FMNL2: variants seen among roughly 807,000 people sequenced by gnomAD.
FMNL2 encodes the protein formin like 2.
In FMNL2, 51 loss-of-function variants were observed where a neutral mutation model predicts 130.2. The ratio of observed to expected loss-of-function variants is 0.39; its 90% CI spans 0.31 to 0.49. The LOEUF is 0.49. Ranked by LOEUF, FMNL2 falls within the 20% of genes least tolerant of loss-of-function variation. FMNL2 has a pLI of 0.85. For missense variants in FMNL2, 977 were observed against 1,316.2 expected, an observed-to-expected ratio of 0.74 and a Z score of 3.99; for synonymous variants, 465 against 467.1, an observed-to-expected ratio of 1.00 and a Z score of 0.06.
intron 1 of FMNL2, among the ~76,000 whole-genome samples, chr2:152,433,630 AGGAACAGCT>A (rs1478408295): frequency 1.3e-5 from 2 of 152,190 alleles, no homozygotes. Flanking sequence ...GAGATGACAG[AGGAACAGCT>A]GGACAAAGTA....
intron 1 of FMNL2, among the ~76,000 whole-genome samples, chr2:152,438,476 C>T (rs761990996): frequency 2.0e-5 from 3 of 152,214 alleles, no homozygotes; most frequent in African/African-American, 2.4e-5. Flanking sequence ...TGCAGAAATA[C>T]AGGACCAGTG....
rs187694109 is a variant in FMNL2 at position 152,422,441 on chromosome 2, T to C, written c.117+86721T>C. On this transcript the variant is annotated intron_variant, in intron 1 of 25. Coordinates refer to ENST00000288670, the MANE Select transcript of FMNL2 (RefSeq NM_052905.4). ...TTGGATAAATGGTTGTCTCATTCTTTTTTTGTTAATGGCTTTATTGAGGTA... is the reference window on the plus strand; with the variant it reads ...TTGGATAAATGGTTGTCTCATTCTTCTTTTGTTAATGGCTTTATTGAGGTA... 2.8e-3 allele frequency among the ~76,000 whole-genome samples: 428 copies of C among 152,324 alleles called. 2 individuals are homozygous for C. The highest frequency in any genetic ancestry group is 9.8e-3 in the African/African-American group (406 of 41,566).
At chr2:152,480,928 C>T (rs775177863) in intron 1 of FMNL2, among the ~76,000 whole-genome samples, 15 of 152,116 alleles carry the variant, frequency 9.9e-5, no homozygotes, top group Non-Finnish European at 1.8e-4. Context: ...ACACTAAGAA[C>T]AAAATTTTGG....
chr2:152,626,016 A>G (rs578234549), intron 16 of FMNL2, among the ~76,000 whole-genome samples: 10 of 150,580 alleles, frequency 6.6e-5, no homozygotes, highest in African/African-American at 2.5e-4. Context: ...TTATTTTTTT[A>G]TTTTATTTTA....
intron 6 of FMNL2, among the ~76,000 whole-genome samples, chr2:152,564,710 G>A (rs757625067): frequency 5.3e-4 from 79 of 148,596 alleles, no homozygotes; most frequent in Non-Finnish European, 9.8e-4. Flanking sequence ...TCCAGCCTGG[G>A]TGACAGAGCA....
intron 9 of FMNL2, among the ~76,000 whole-genome samples, chr2:152,600,749 A>C (rs1212451326): frequency 1.3e-5 from 2 of 151,542 alleles, no homozygotes; most frequent in African/African-American, 4.8e-5. Flanking sequence ...TTTTGGCAGA[A>C]GTTTTGCTTT....
At chr2:152,361,336 T>C (rs1683163622) in intron 1 of FMNL2, among the ~76,000 whole-genome samples, 3 of 152,192 alleles carry the variant, frequency 2.0e-5, no homozygotes, top group Admixed American at 6.5e-5. Flanking sequence ...AAAATATACA[T>C]GAAAACCAAA....
At chr2:152,626,363 A>G (rs1681785682) in intron 16 of FMNL2, among the ~76,000 whole-genome samples, 162 bp from the exon 17 acceptor site, 1 of 152,200 alleles carries the variant, frequency 6.6e-6, no homozygotes, top group South Asian at 2.1e-4. Flanking sequence ...TATGTGCCAG[A>G]AGTTGTACTA....
intron 2 of FMNL2, among the ~76,000 whole-genome samples, chr2:152,524,826 T>G (rs561142991): frequency 6.6e-6 from 1 of 152,242 alleles, no homozygotes. Context: ...AATGCTGGTT[T>G]AGGGGGTTTA....
chr2:152,392,491 G>C (rs906993369), intron 1 of FMNL2, among the ~76,000 whole-genome samples: 2 of 152,090 alleles, frequency 1.3e-5, no homozygotes, highest in African/African-American at 4.8e-5. Context: ...CACCGTTCTG[G>C]AGGTGACTGG....
chr2:152,435,584 T>TG (rs1202278953), intron 1 of FMNL2, among the ~76,000 whole-genome samples: 1 of 147,658 alleles, frequency 6.8e-6, no homozygotes, highest in African/African-American at 2.5e-5. Context: ...TATAAATGGC[T>TG]GAAAAAAAAA....
At position 152,549,109 on chromosome 2, in the gene FMNL2, C is replaced by A. The variant is rs961584677; in HGVS notation, c.359+12C>A. 2.0e-5 allele frequency: 31 copies of A among 1,561,542 alleles called. No individual in the cohort carries two copies. Among genetic ancestry groups the A allele is most frequent in the Non-Finnish European group, 2.5e-5 (29 of 1,148,272 alleles). ...ACTAACCACATTGGGTAAGTATACC[C>A]CTTTAACATCTTAGCTCTAAAGCTT... On this transcript the variant is annotated intron_variant, in intron 4 of 25. Coordinates refer to ENST00000288670, the MANE Select transcript of FMNL2 (RefSeq NM_052905.4).
chr2:152,378,433 A>G (rs985461081), intron 1 of FMNL2, among the ~76,000 whole-genome samples: 1 of 152,208 alleles, frequency 6.6e-6, no homozygotes, highest in African/African-American at 2.4e-5. Flanking sequence ...ATGTAGACTT[A>G]AATTAAATAA....
intron 17 of FMNL2, 49 bp downstream of exon 17, chr2:152,626,776 T>G (rs754859247): frequency 6.6e-7 from 1 of 1,514,338 alleles, no homozygotes; most frequent in Non-Finnish European, 8.9e-7. Flanking sequence ...AAAATGAAAA[T>G]GAGAAAGTTA....
intron 2 of FMNL2, among the ~76,000 whole-genome samples, chr2:152,536,079 G>T (rs563311295): frequency 6.6e-6 from 1 of 152,338 alleles, no homozygotes; most frequent in South Asian, 2.1e-4. Flanking sequence ...GGAGGGCAAG[G>T]TGTTAGGGCT....
At chr2:152,417,186 G>A (rs1686663413) in intron 1 of FMNL2, among the ~76,000 whole-genome samples, 1 of 152,186 alleles carries the variant, frequency 6.6e-6, no homozygotes, top group Admixed American at 6.5e-5. Context: ...CATGTGCAAA[G>A]TTCCTTAAGC....
intron 21 of FMNL2, among the ~76,000 whole-genome samples, chr2:152,634,820 T>G (rs1029344969): frequency 6.6e-6 from 1 of 152,184 alleles, no homozygotes; most frequent in Non-Finnish European, 1.5e-5. Context: ...GGGGTGCATC[T>G]CATTGATTTG....
intron 1 of FMNL2, among the ~76,000 whole-genome samples, chr2:152,347,337 ACTTC>A (rs1682184961): frequency 6.6e-6 from 1 of 152,194 alleles, no homozygotes; most frequent in Non-Finnish European, 1.5e-5. Flanking sequence ...GGTTTCCACC[ACTTC>A]CTTTGAGAGC....
intron 15 of FMNL2, among the ~76,000 whole-genome samples, chr2:152,623,970 A>G (rs966208350): frequency 2.0e-5 from 3 of 149,920 alleles, no homozygotes; most frequent in Non-Finnish European, 4.4e-5. Context: ...CCTGGGAAGA[A>G]CTTGCTTTTC....
Sources: allele counts gnomAD v4.1 joint callset (sites outside exome capture counted in the v4.1 genomes callset), GRCh38; gene constraint gnomAD v4.1.1; transcripts MANE v1.5; gene names NCBI Gene and HGNC (gene_info 2026-07-23, HGNC 2026-07-21).